Variants in MTF2 observed in about 807,000 individuals in gnomAD.
MTF2 encodes the protein metal-response element-binding transcription factor 2.
Under a neutral mutation model 79.5 loss-of-function variants are expected in MTF2, and 11 were observed. The ratio of observed to expected loss-of-function variants is 0.14; its 90% CI spans 0.09 to 0.23. The LOEUF is 0.23. Ranked by LOEUF, MTF2 falls within the 10% of genes least tolerant of loss-of-function variation. The pLI is 1.00. For synonymous variants in MTF2, 208 were observed against 232.8 expected, an observed-to-expected ratio of 0.89 and a Z score of 0.97; for missense variants, 486 against 711.2, an observed-to-expected ratio of 0.68 and a Z score of 3.60.
chr1:93,107,921 C>T (rs757637986), intron 1 of MTF2, among the ~76,000 whole-genome samples: 9 of 152,146 alleles, frequency 5.9e-5, no homozygotes, highest in Non-Finnish European at 1.2e-4. Context: ...GCTGGGACCA[C>T]AGGCACGTGC....
intron 1 of MTF2, among the ~76,000 whole-genome samples, chr1:93,086,479 A>G (rs947259491): frequency 8.2e-4 from 118 of 143,612 alleles, no homozygotes; most frequent in Admixed American, 1.5e-3. Context: ...ATCCTGGGTG[A>G]CAGAGCGAGA....
intron 9 of MTF2, chr1:93,120,897 A>G (rs1557556276): frequency 3.3e-6 from 4 of 1,210,526 alleles, no homozygotes; most frequent in Non-Finnish European, 4.1e-6. Context: ...AGGAGGAGGT[A>G]TATTATTTGA....
chr1:93,090,641 T>A (rs1655037418), intron 1 of MTF2, among the ~76,000 whole-genome samples: 1 of 151,996 alleles, frequency 6.6e-6, no homozygotes, highest in Non-Finnish European at 1.5e-5. Flanking sequence ...ATATGAATAT[T>A]CTTGGTTACG....
At chr1:93,095,977 C>CA (rs1655273571) in intron 1 of MTF2, among the ~76,000 whole-genome samples, 1 of 152,144 alleles carries the variant, frequency 6.6e-6, no homozygotes, top group Admixed American at 6.5e-5. Context: ...TTAATGCTCC[C>CA]ACTTGACCTC....
chr1:93,087,017 A>G (rs1654869657), intron 1 of MTF2, among the ~76,000 whole-genome samples: 1 of 152,026 alleles, frequency 6.6e-6, no homozygotes, highest in Non-Finnish European at 1.5e-5. Context: ...TCTAAAGCTT[A>G]TTTTTTCGTT....
At chr1:93,120,350 A>G (rs886111697) in intron 8 of MTF2, 199 bp from the exon 9 acceptor site, 2 of 320,058 alleles carry the variant, frequency 6.2e-6, no homozygotes, top group African/African-American at 4.5e-5. Context: ...TCTAGTTTAT[A>G]GTTGCTATTC....
chr1:93,133,643 G>T, intron 11 of MTF2, 60 bp from the exon 12 acceptor site: 2 of 1,105,870 alleles, frequency 1.8e-6, no homozygotes, highest in Non-Finnish European at 2.6e-6. Context: ...TACATACATA[G>T]AGTCAATGTC....
chr1:93,083,020 C>T (rs149771668), intron 1 of MTF2, among the ~76,000 whole-genome samples: 8 of 152,206 alleles, frequency 5.3e-5, no homozygotes, highest in Non-Finnish European at 1.2e-4. Flanking sequence ...CATTCTTGTA[C>T]TGCTATGAAG....
chr1:93,080,882 G>A (rs1413986645), intron 1 of MTF2: 1 of 151,916 alleles, frequency 6.6e-6, no homozygotes, highest in Non-Finnish European at 1.5e-5. Context: ...TGCTTTAAAG[G>A]GAGTTGTTTT....
intron 3 of MTF2, among the ~76,000 whole-genome samples, chr1:93,113,976 T>C (rs1320253567): frequency 2.0e-5 from 3 of 151,746 alleles, no homozygotes. Context: ...TGTGTTAGGG[T>C]GGTAAATTGT....
chr1:93,128,542 C>T (rs1327539933), intron 10 of MTF2, among the ~76,000 whole-genome samples: 2 of 116,716 alleles, frequency 1.7e-5, no homozygotes, highest in East Asian at 4.9e-4. Context: ...GGTGACAGAG[C>T]GAGACTCTGT....
intron 3 of MTF2, among the ~76,000 whole-genome samples, chr1:93,111,692 A>C (rs1430945756): frequency 6.6e-6 from 1 of 152,144 alleles, no homozygotes; most frequent in Non-Finnish European, 1.5e-5. Flanking sequence ...TTAAAGGACT[A>C]AAATTACATT....
Position 93,079,477 on chromosome 1 carries a change from ATTGG to A in MTF2, c.-46_-43del. The A allele has an allele frequency of 6.2e-7, 1 of 1,613,386 alleles. No individual in the cohort carries two copies. The highest frequency in any genetic ancestry group is 8.5e-7 in the Non-Finnish European group (1 of 1,179,756). On this transcript the variant is annotated 5_prime_UTR_variant, in exon 1 of 15. Transcript: ENST00000370298. ...GCAGGGGAAGCGCCCACGGGGACGG[ATTGG>A]TTGTTTTTTCCTGTATGAAGCGGTT...
chr1:93,102,841 A>G (rs545977052), intron 1 of MTF2, among the ~76,000 whole-genome samples: 1 of 151,908 alleles, frequency 6.6e-6, no homozygotes, highest in Non-Finnish European at 1.5e-5. Context: ...TTAGCCATGA[A>G]ATTTTATGGG....
chr1:93,085,845 G>C (rs946113681), intron 1 of MTF2, among the ~76,000 whole-genome samples: 4 of 152,176 alleles, frequency 2.6e-5, no homozygotes, highest in African/African-American at 9.6e-5. Context: ...TTGAGTATCT[G>C]TGGATTTTGG....
intron 14 of MTF2, among the ~76,000 whole-genome samples, chr1:93,134,824 A>G (rs1442908446): frequency 9.2e-6 from 1 of 109,216 alleles, no homozygotes; most frequent in Non-Finnish European, 2.0e-5. Context: ...ACAGCTGGCC[A>G]AGATTTGATT....
chr1:93,120,816 G>A, intron 9 of MTF2, 144 bp downstream of exon 9: 1 of 1,403,714 alleles, frequency 7.1e-7, no homozygotes, highest in South Asian at 1.6e-5. Flanking sequence ...AATAAGTTTG[G>A]TATGGATATC....
At chr1:93,122,900 G>T (rs1004240303) in intron 9 of MTF2, among the ~76,000 whole-genome samples, 10 of 151,984 alleles carry the variant, frequency 6.6e-5, no homozygotes, top group Non-Finnish European at 1.3e-4. Context: ...TGTTTATTCA[G>T]TGTTTTTCAT....
At chr1:93,104,267 T>A (rs1266197151) in intron 1 of MTF2, among the ~76,000 whole-genome samples, 1 of 152,118 alleles carries the variant, frequency 6.6e-6, no homozygotes, top group Non-Finnish European at 1.5e-5. Context: ...AATGCAGTTT[T>A]ATATAGGATT....
Sources: gnomAD v4.1 joint callset for allele counts (sites outside exome capture counted in the v4.1 genomes callset) on GRCh38, gnomAD v4.1.1 for gene constraint, MANE v1.5 for transcripts, NCBI Gene and HGNC (gene_info 2026-07-23, HGNC 2026-07-21) for gene names.